The following KCNK10 variants were observed in gnomAD, a reference collection of about 807,000 sequenced individuals.
The protein encoded by KCNK10 is potassium two pore domain channel subfamily K member 10.
Under a neutral mutation model 47.7 loss-of-function variants are expected in KCNK10, and 25 were observed. The observed-to-expected ratio is 0.52, with a 90% CI of 0.38 to 0.73. The LOEUF is 0.73. Among genes scored for constraint, KCNK10 ranks in the 30% least tolerant of loss-of-function variants. The pLI is 0.00. For missense variants in KCNK10, 563 were observed against 714.5 expected (o/e 0.79, Z 2.42); for synonymous variants, 303 against 285.6 (o/e 1.06, Z -0.61).
In KCNK10 at chr14:88,186,723, G is replaced by A. The variant is rs1470995913; in HGVS notation, c.1012-568C>T. 6.6e-6 allele frequency among the ~76,000 whole-genome samples: 1 copy of A among 152,192 alleles called. No individual in the cohort carries two copies. The highest frequency in any genetic ancestry group is 2.4e-5 in the African/African-American group (1 of 41,444). ...GTCCTGTGTCCTAGGAACTCCCTCAGTCCTGGGAAAACTGGGATGGGTGGC... is the reference window on the plus strand; with the variant it reads ...GTCCTGTGTCCTAGGAACTCCCTCAATCCTGGGAAAACTGGGATGGGTGGC... On this transcript the variant is annotated intron_variant, in intron 6 of 6. Transcript: ENST00000319231. This position sits in a 1 kb window ranked among gnomAD's most constrained non-coding sequence, Gnocchi z 5.5.
intron 4 of KCNK10, among the ~76,000 whole-genome samples, chr14:88,221,301 C>CAATAATAATAATAATAATAATAATAAT (rs55913907): frequency 1.1e-4 from 16 of 144,168 alleles, no homozygotes; most frequent in African/African-American, 2.6e-4. Flanking sequence ...GACTCTGTCT[C>CAATAATAATAATAATAATAATAATAAT]AATAATAATA....
chr14:88,308,391 C>T (rs139991335), intron 1 of KCNK10, among the ~76,000 whole-genome samples: 1 of 152,324 alleles, frequency 6.6e-6, no homozygotes, highest in Non-Finnish European at 1.5e-5. Flanking sequence ...GACTGGCATC[C>T]GTGGTTCTCT....
intron 4 of KCNK10, among the ~76,000 whole-genome samples, chr14:88,208,550 T>G (rs190041827): frequency 1.4e-3 from 210 of 152,312 alleles, no homozygotes; most frequent in African/African-American, 5.0e-3. Flanking sequence ...AGAAAGAAAG[T>G]GGTAATAACA....
intron 1 of KCNK10, among the ~76,000 whole-genome samples, chr14:88,282,611 A>G (rs1887674214): frequency 6.6e-6 from 1 of 152,220 alleles, no homozygotes; most frequent in South Asian, 2.1e-4. Context: ...AGCTACTGGC[A>G]TGAAGGGAAC....
intron 4 of KCNK10, among the ~76,000 whole-genome samples, chr14:88,226,460 C>T (rs1885990933): frequency 6.6e-6 from 1 of 152,126 alleles, no homozygotes; most frequent in South Asian, 2.1e-4. Flanking sequence ...TTCCTAGATC[C>T]TGGAAAAGAC....
At chr14:88,310,193 C>CCATATG (rs1566721459) in intron 1 of KCNK10, among the ~76,000 whole-genome samples, 500 of 26,952 alleles carry the variant, frequency 0.019, 55 homozygotes, top group African/African-American at 0.03. Context: ...TATACCATAT[C>CCATATG]ATATGGTATA....
intron 5 of KCNK10, among the ~76,000 whole-genome samples, chr14:88,188,333 T>A (rs1458085156): frequency 6.6e-6 from 1 of 152,168 alleles, no homozygotes; most frequent in East Asian, 1.9e-4. Flanking sequence ...TCTTGACCAC[T>A]AACCTTAATA....
chr14:88,187,874 G>C, intron 6 of KCNK10, 93 bp downstream of exon 6: 25 of 1,392,726 alleles, frequency 1.8e-5, no homozygotes, highest in Non-Finnish European at 2.2e-5. Context: ...AACCGAGCCA[G>C]AAACACTCCA....
In KCNK10 at chr14:88,182,161, G is replaced by GA. The variant is rs1478869846; in HGVS notation, c.*3373dup. 6.6e-6 allele frequency: 1 copy of GA among 151,788 alleles called. No homozygotes were observed. Among genetic ancestry groups the GA allele is most frequent in the African/African-American group, 2.4e-5 (1 of 41,234 alleles). 9.4% of individuals were successfully genotyped at this position (151,788 alleles called of 1,614,324 possible). ...GGGTATGGAGCTGTACTCTTTCCAGGAAAAAATGCCCATTGGCTCTCTCAC... is the reference window on the plus strand; with the variant it reads ...GGGTATGGAGCTGTACTCTTTCCAGGAAAAAAATGCCCATTGGCTCTCTCAC... On this transcript the variant is annotated 3_prime_UTR_variant, in exon 7 of 7. Coordinates refer to ENST00000319231, the MANE Select transcript of KCNK10 (RefSeq NM_138317.3).
chr14:88,280,056 T>C (rs2139771316), intron 1 of KCNK10, among the ~76,000 whole-genome samples: 1 of 152,298 alleles, frequency 6.6e-6, no homozygotes, highest in Non-Finnish European at 1.5e-5. Flanking sequence ...CTTGGTTATG[T>C]CTTTATCAGC....
At chr14:88,283,182 G>A (rs1887687226) in intron 1 of KCNK10, among the ~76,000 whole-genome samples, 1 of 152,116 alleles carries the variant, frequency 6.6e-6, no homozygotes, top group African/African-American at 2.4e-5. Flanking sequence ...TGTGGAAAAG[G>A]AAAACTGGGA....
At chr14:88,310,096 A>C in intron 1 of KCNK10, among the ~76,000 whole-genome samples, 1 of 111,078 alleles carries the variant, frequency 9.0e-6, no homozygotes, top group East Asian at 2.8e-4. Context: ...TACCCTGAGG[A>C]ACTACATTCG....
chr14:88,221,185 C>T (rs999986389), intron 4 of KCNK10, among the ~76,000 whole-genome samples: 5 of 151,660 alleles, frequency 3.3e-5, no homozygotes, highest in African/African-American at 1.2e-4. Context: ...GCCTGTAATC[C>T]CAGCTACTTG....
chr14:88,191,019 A>G (rs1884727870), intron 5 of KCNK10, among the ~76,000 whole-genome samples: 1 of 152,132 alleles, frequency 6.6e-6, no homozygotes, highest in Non-Finnish European at 1.5e-5. Flanking sequence ...GGCCGATCAC[A>G]TGAGCCCAAC....
rs1476786675 is a variant in KCNK10 at position 88,182,937 on chromosome 14, C to A, written c.*2598G>T. On this transcript the variant is annotated 3_prime_UTR_variant, in exon 7 of 7. Coordinates refer to ENST00000319231, the MANE Select transcript of KCNK10 (RefSeq NM_138317.3). ...AATGTACAGTAGGTGTCTGCAGGGG[C>A]AACCCTTTGAGCCATGTTTACACAA... 6.6e-6 allele frequency: 1 copy of A among 152,242 alleles called. No homozygotes were observed. The highest frequency in any genetic ancestry group is 2.4e-5 in the African/African-American group (1 of 41,412). 9.4% of individuals were successfully genotyped at this position (152,242 alleles called of 1,614,324 possible).
chr14:88,260,899 C>T lies in KCNK10; in HGVS notation c.402+2303G>A, dbSNP rs142149745. ...AGAAATCTTTGAGGTCAAAACAGGACACCAGTCTTAATGGCAGCATCAGAA... is the reference window on the plus strand; with the variant it reads ...AGAAATCTTTGAGGTCAAAACAGGATACCAGTCTTAATGGCAGCATCAGAA... On this transcript the variant is annotated intron_variant, in intron 2 of 6. Coordinates refer to ENST00000319231, the MANE Select transcript of KCNK10 (RefSeq NM_138317.3). This position sits in a 1 kb window ranked among gnomAD's most constrained non-coding sequence, Gnocchi z 4.5. 1.4e-3 allele frequency among the ~76,000 whole-genome samples: 214 copies of T among 152,308 alleles called. No individual in the cohort carries two copies. The highest frequency in any genetic ancestry group is 4.9e-3 in the African/African-American group (203 of 41,580).
intron 2 of KCNK10, among the ~76,000 whole-genome samples, chr14:88,246,466 G>A (rs1052368726): frequency 6.6e-6 from 1 of 152,198 alleles, no homozygotes; most frequent in Admixed American, 6.5e-5. Context: ...CCTCGGGTTT[G>A]AAGTGGAAAG....
At chr14:88,277,249 T>C (rs887757064) in intron 1 of KCNK10, among the ~76,000 whole-genome samples, 4 of 151,970 alleles carry the variant, frequency 2.6e-5, no homozygotes, top group African/African-American at 9.7e-5. Context: ...ATTCCTTCAC[T>C]GTGCCTACTA....
intron 3 of KCNK10, chr14:88,235,217 T>G (rs760380136): frequency 2.4e-5 from 11 of 456,642 alleles, no homozygotes; most frequent in South Asian, 1.7e-4. Flanking sequence ...CACCCTGCTC[T>G]CCTCTCCCCA....
Sources: allele counts gnomAD v4.1 joint callset (sites outside exome capture counted in the v4.1 genomes callset), GRCh38; gene constraint gnomAD v4.1.1; non-coding constraint Gnocchi (gnomAD v3.1); transcripts MANE v1.5; gene names NCBI Gene and HGNC (gene_info 2026-07-23, HGNC 2026-07-21).